Variants in DLGAP2 observed in about 807,000 individuals in gnomAD.
DLGAP2 encodes DLG associated protein 2, also known as disks large-associated protein 2.
DLGAP2 carries 26 observed loss-of-function variants against 100.3 expected under a neutral mutation model. That is an observed-to-expected ratio of 0.26 (90% CI 0.19 to 0.36). DLGAP2 has a LOEUF of 0.36. Ranked by LOEUF, DLGAP2 falls within the 10% of genes least tolerant of loss-of-function variation. DLGAP2 has a pLI of 1.00. For synonymous variants in DLGAP2, 886 were observed against 630.1 expected (o/e 1.41, Z -6.08); for missense variants, 1,858 against 1,453.2 (o/e 1.28, Z -4.53).
chr8:987,674 A>G (rs1308376584), intron 2 of DLGAP2, among the ~76,000 whole-genome samples: 1 of 152,082 alleles, frequency 6.6e-6, no homozygotes, highest in African/African-American at 2.4e-5. Context: ...TTCCCCTTGA[A>G]TAGTAACCTC....
chr8:1,494,449 T>A (rs1401535486), intron 3 of DLGAP2, among the ~76,000 whole-genome samples: 1 of 152,186 alleles, frequency 6.6e-6, no homozygotes, highest in Admixed American at 6.5e-5. Context: ...AGGGGCCACT[T>A]GGGCAGGTGC....
At chr8:1,518,783 G>C (rs145403475) in intron 4 of DLGAP2, among the ~76,000 whole-genome samples, 1 of 152,164 alleles carries the variant, frequency 6.6e-6, no homozygotes, top group Non-Finnish European at 1.5e-5. Flanking sequence ...TCGAACCCAT[G>C]TTAGATATTT....
intron 2 of DLGAP2, among the ~76,000 whole-genome samples, chr8:982,414 G>T (rs1800363345): frequency 6.6e-6 from 1 of 152,198 alleles, no homozygotes; most frequent in African/African-American, 2.4e-5. Context: ...CCTCTGCTAA[G>T]TGGAGCTGTT....
At chr8:1,221,799 T>C (rs141123714) in intron 2 of DLGAP2, among the ~76,000 whole-genome samples, 12 of 152,344 alleles carry the variant, frequency 7.9e-5, no homozygotes, top group African/African-American at 2.6e-4. Context: ...CATTTTTAAG[T>C]GCTTTTCTTC....
At chr8:1,499,194 C>T (rs1465915335) in intron 3 of DLGAP2, among the ~76,000 whole-genome samples, 2 of 152,254 alleles carry the variant, frequency 1.3e-5, no homozygotes, top group Non-Finnish European at 2.9e-5. Context: ...AGCTTGTGCT[C>T]TGTGTGAAGC....
intron 1 of DLGAP2, among the ~76,000 whole-genome samples, chr8:760,817 C>T (rs1399177931): frequency 6.6e-6 from 1 of 152,186 alleles, no homozygotes; most frequent in East Asian, 1.9e-4. Context: ...TCCCCCCACC[C>T]CTCCCACTTG....
chr8:758,995 C>T (rs1342917230), intron 1 of DLGAP2, among the ~76,000 whole-genome samples: 4 of 151,076 alleles, frequency 2.6e-5, no homozygotes, highest in Admixed American at 6.6e-5. Context: ...TTATCAATAC[C>T]CCCAACAGCC....
At chr8:1,254,376 G>A (rs1411158414) in intron 2 of DLGAP2, among the ~76,000 whole-genome samples, 2 of 152,122 alleles carry the variant, frequency 1.3e-5, no homozygotes, top group Non-Finnish European at 1.5e-5. Flanking sequence ...TTCCTGACAT[G>A]CATGTTCACT....
At chr8:815,957 A>G (rs1389691314) in intron 1 of DLGAP2, among the ~76,000 whole-genome samples, 1 of 152,194 alleles carries the variant, frequency 6.6e-6, no homozygotes, top group African/African-American at 2.4e-5. Flanking sequence ...TTTTCAGTGT[A>G]TAATGCCCAT....
At chr8:819,447 C>T (rs1042681951) in intron 1 of DLGAP2, among the ~76,000 whole-genome samples, 4 of 152,112 alleles carry the variant, frequency 2.6e-5, no homozygotes, top group Non-Finnish European at 2.9e-5. Flanking sequence ...TGGAGCAAAG[C>T]GGCAATGCCA....
chr8:1,260,089 G>A (rs142157699), intron 3 of DLGAP2, among the ~76,000 whole-genome samples: 2 of 152,256 alleles, frequency 1.3e-5, no homozygotes, highest in Non-Finnish European at 1.5e-5. Flanking sequence ...TGGAGCCTGG[G>A]ATGCTGGTCT....
At chr8:1,390,540 C>T (rs1245376598) in intron 3 of DLGAP2, among the ~76,000 whole-genome samples, 1 of 152,134 alleles carries the variant, frequency 6.6e-6, no homozygotes, top group African/African-American at 2.4e-5. Flanking sequence ...GACAATCTGT[C>T]GAGCTGTGTG....
At chr8:1,150,663 G>C (rs764200452) in intron 2 of DLGAP2, among the ~76,000 whole-genome samples, 1 of 152,180 alleles carries the variant, frequency 6.6e-6, no homozygotes, top group Non-Finnish European at 1.5e-5. Flanking sequence ...GCTCAACTTG[G>C]AGGTTATTCT....
chr8:1,692,539 A>G (rs1227739249), intron 13 of DLGAP2, among the ~76,000 whole-genome samples: 1 of 152,170 alleles, frequency 6.6e-6, no homozygotes, highest in Non-Finnish European at 1.5e-5. Context: ...GGGCTGCAGC[A>G]GCGCGGCGTG....
chr8:1,173,059 G>A (rs1011756161), intron 2 of DLGAP2, among the ~76,000 whole-genome samples: 6 of 152,074 alleles, frequency 3.9e-5, no homozygotes, highest in Non-Finnish European at 7.4e-5. Flanking sequence ...ATGGGTTTTT[G>A]GTGTGGATGT....
chr8:1,337,423 A>G (rs1563091443), intron 3 of DLGAP2, among the ~76,000 whole-genome samples: 1 of 61,732 alleles, frequency 1.6e-5, no homozygotes, highest in African/African-American at 4.0e-5. Context: ...GGTGAGGATG[A>G]TGGTGATGGT....
At chr8:941,947 G>A (rs1342895900) in intron 2 of DLGAP2, among the ~76,000 whole-genome samples, 1 of 152,034 alleles carries the variant, frequency 6.6e-6, no homozygotes, top group African/African-American at 2.4e-5. Flanking sequence ...GGGAAGCGGG[G>A]GTGCTGATGC....
chr8:1,417,950 G>A (rs1191512711), intron 3 of DLGAP2, among the ~76,000 whole-genome samples: 1 of 151,462 alleles, frequency 6.6e-6, no homozygotes, highest in Non-Finnish European at 1.5e-5. Flanking sequence ...ACTGACATTC[G>A]TCTGTCGTGA....
At chr8:1,647,720 C>A (rs1268934770) in intron 8 of DLGAP2, among the ~76,000 whole-genome samples, 1 of 152,052 alleles carries the variant, frequency 6.6e-6, no homozygotes, top group Non-Finnish European at 1.5e-5. Context: ...GCTGCCAGTC[C>A]CCTGCCGGGT....
Sources: allele counts gnomAD v4.1 joint callset (sites outside exome capture counted in the v4.1 genomes callset), GRCh38; gene constraint gnomAD v4.1.1; transcripts MANE v1.5; gene names NCBI Gene and HGNC (gene_info 2026-07-23, HGNC 2026-07-21).